The following SUGCT variants were observed in gnomAD, a reference collection of about 807,000 sequenced individuals.
The protein encoded by SUGCT is succinyl-CoA:glutarate-CoA transferase, also known as succinyl-CoA:glutarate CoA-transferase.
A neutral mutation model predicts 55.0 loss-of-function variants in SUGCT; 41 were observed. The ratio of observed to expected loss-of-function variants is 0.74; its 90% CI spans 0.58 to 0.97. SUGCT has a LOEUF of 0.97. Ranked by LOEUF, SUGCT falls within the 50% of genes least tolerant of loss-of-function variation. The pLI, the probability that SUGCT is intolerant of heterozygous loss-of-function variation, is 0.00. For missense variants in SUGCT, 568 were observed against 547.8 expected, an observed-to-expected ratio of 1.04 and a Z score of -0.37; for synonymous variants, 187 against 200.4, an observed-to-expected ratio of 0.93 and a Z score of 0.56.
intron 13 of SUGCT, among the ~76,000 whole-genome samples, chr7:40,849,754 A>T (rs934101200): frequency 2.0e-5 from 3 of 151,942 alleles, no homozygotes; most frequent in Non-Finnish European, 4.4e-5. Context: ...CAAAACACAG[A>T]CGGAAAACAC....
chr7:40,705,223 T>C (rs1785342612), intron 12 of SUGCT, among the ~76,000 whole-genome samples: 2 of 152,202 alleles, frequency 1.3e-5, no homozygotes, highest in Non-Finnish European at 2.9e-5. Flanking sequence ...GCAAAAATCA[T>C]GTGGAGAAGT....
intron 12 of SUGCT, among the ~76,000 whole-genome samples, chr7:40,590,459 A>G (rs1797652109): frequency 6.6e-6 from 1 of 152,226 alleles, no homozygotes; most frequent in African/African-American, 2.4e-5. Flanking sequence ...AAAGGAAGGA[A>G]GTAAAGGAAA....
At chr7:40,750,312 T>C (rs1442875109) in intron 13 of SUGCT, among the ~76,000 whole-genome samples, 1 of 152,244 alleles carries the variant, frequency 6.6e-6, no homozygotes, top group Non-Finnish European at 1.5e-5. Context: ...AAATTATTTG[T>C]TCATTGTGTC....
chr7:40,490,704 G>T (rs1408114763), intron 11 of SUGCT, among the ~76,000 whole-genome samples: 4 of 152,144 alleles, frequency 2.6e-5, no homozygotes, highest in East Asian at 1.9e-4. Context: ...CACTCTAAAA[G>T]AATGGATTTT....
At chr7:40,685,635 A>C (rs1366235381) in intron 12 of SUGCT, among the ~76,000 whole-genome samples, 1 of 152,228 alleles carries the variant, frequency 6.6e-6, no homozygotes, top group Admixed American at 6.5e-5. Context: ...TCCCGTCTAG[A>C]AACTTTAAAA....
rs1489956189 is a variant in SUGCT, at chr7:40,220,307, C to G, written c.485-17328C>G. On this transcript the variant is annotated intron_variant, in intron 6 of 13. Coordinates refer to ENST00000335693, the MANE Select transcript of SUGCT (RefSeq NM_001193313.2). ...CTGCATTCCCTGATATTCCATCTGG[C>G]TGTAATGATATTCCCAGAGTGTTCC... Among the ~76,000 whole-genome samples the G allele has an allele frequency of 2.0e-5, 3 of 152,290 alleles. No individual in the cohort carries two copies. In the East Asian group the frequency reaches 5.8e-4, roughly 29 times the overall value.
chr7:40,899,648 CTT>C, the SUGCT span, among the ~76,000 whole-genome samples: 1 of 151,582 alleles, frequency 6.6e-6, no homozygotes, highest in Non-Finnish European at 1.5e-5. Context: ...TTCCAGGACT[CTT>C]TCCTACTTTT....
intron 8 of SUGCT, among the ~76,000 whole-genome samples, chr7:40,315,370 G>A (rs1188735522): frequency 6.6e-6 from 1 of 152,158 alleles, no homozygotes; most frequent in Admixed American, 6.5e-5. Context: ...AGCACTAGGC[G>A]GCCCCAGGCA....
chr7:40,444,505 C>T (rs888840079), intron 9 of SUGCT, among the ~76,000 whole-genome samples: 12 of 152,074 alleles, frequency 7.9e-5, no homozygotes, highest in African/African-American at 2.4e-4. Flanking sequence ...GGTGTTCACT[C>T]GTGATTTGGC....
At chr7:40,579,312 C>T (rs1796949628) in intron 12 of SUGCT, among the ~76,000 whole-genome samples, 1 of 152,074 alleles carries the variant, frequency 6.6e-6, no homozygotes, top group African/African-American at 2.4e-5. Context: ...ACTGAAGTAA[C>T]ATTTCAACCC....
the SUGCT span, among the ~76,000 whole-genome samples, chr7:41,018,138 G>A: frequency 6.6e-6 from 1 of 151,934 alleles, no homozygotes; most frequent in East Asian, 1.9e-4. Flanking sequence ...TTCTGGAGGG[G>A]CCTGGGGACA....
intron 7 of SUGCT, among the ~76,000 whole-genome samples, chr7:40,253,055 T>A (rs1199661399): frequency 6.6e-6 from 1 of 152,212 alleles, no homozygotes; most frequent in East Asian, 1.9e-4. Flanking sequence ...GCAAAGAACA[T>A]GGGGTTTGGA....
rs767706573 is a variant in SUGCT at position 40,181,993 on chromosome 7, A to G, written c.191A>G (p.Asp64Gly). The change falls in exon 3 of 14, where the codon GAT (aspartate) becomes GGT (glycine). Residue 64 changes from aspartate to glycine, a missense_variant. Physicochemically the swap from Asp to Gly is moderately conservative, Grantham distance 94. Coordinates refer to ENST00000335693, the MANE Select transcript of SUGCT (RefSeq NM_001193313.2). ...AGPFATMNLGDLGAEVIKVER... is the reference protein window; with the variant it reads ...AGPFATMNLGGLGAEVIKVER... ...CCTTTTGCTACTATGAATTTAGGAG[A>G]TCTTGGAGCAGAAGTTATAAAAGTG... 8.1e-6 allele frequency: 13 copies of G among 1,602,636 alleles called. No homozygotes were observed. Among genetic ancestry groups the G allele is most frequent in the South Asian group, 5.6e-5 (5 of 89,234 alleles).
intron 9 of SUGCT, among the ~76,000 whole-genome samples, chr7:40,440,424 G>A (rs1043774728): frequency 1.3e-5 from 2 of 151,942 alleles, no homozygotes; most frequent in Non-Finnish European, 2.9e-5. Flanking sequence ...GCCTCCCAAA[G>A]TGCCAGGATT....
At chr7:40,833,368 T>G (rs750694392) in intron 13 of SUGCT, among the ~76,000 whole-genome samples, 12 of 152,184 alleles carry the variant, frequency 7.9e-5, no homozygotes, top group Non-Finnish European at 1.6e-4. Flanking sequence ...GATGTAAAGT[T>G]CCTTACGTGG....
chr7:40,816,008 C>T (rs1419756084), intron 13 of SUGCT, among the ~76,000 whole-genome samples: 1 of 152,214 alleles, frequency 6.6e-6, no homozygotes, highest in Non-Finnish European at 1.5e-5. Context: ...CAAGCTGGGG[C>T]ACCCAGCAAT....
downstream of SUGCT, among the ~76,000 whole-genome samples, chr7:40,864,434 G>A (rs1162343287): frequency 1.3e-5 from 2 of 152,122 alleles, no homozygotes; most frequent in Non-Finnish European, 2.9e-5. Flanking sequence ...TTACAGACAT[G>A]AGCCACCATG....
the SUGCT span, among the ~76,000 whole-genome samples, chr7:41,003,576 A>T: frequency 6.6e-6 from 1 of 152,158 alleles, no homozygotes; most frequent in Admixed American, 6.5e-5. Context: ...GCATCAGACA[A>T]AATTTCTAAC....
the SUGCT span, among the ~76,000 whole-genome samples, chr7:41,000,975 T>C: frequency 6.6e-6 from 1 of 152,168 alleles, no homozygotes; most frequent in African/African-American, 2.4e-5. Flanking sequence ...AAGAAACATG[T>C]TTAAGAGTGG....
Sources: gnomAD v4.1 joint callset for allele counts (sites outside exome capture counted in the v4.1 genomes callset) on GRCh38, gnomAD v4.1.1 for gene constraint, MANE v1.5 for transcripts, NCBI Gene and HGNC (gene_info 2026-07-23, HGNC 2026-07-21) for gene names.